The following B3GALT1 variants were observed in gnomAD, a reference collection of about 807,000 sequenced individuals.
The protein encoded by B3GALT1 is beta-1,3-galactosyltransferase 1, also known as UDP-Gal:betaGlcNAc beta 1,3-galactosyltransferase, polypeptide 1.
In B3GALT1, 10 loss-of-function variants were observed where a neutral mutation model predicts 23.2. The ratio of observed to expected loss-of-function variants is 0.43; its 90% CI spans 0.27 to 0.73. The LOEUF (loss-of-function observed/expected upper bound fraction) is 0.73. B3GALT1 is among the 30% of genes least tolerant of loss of function. The pLI is 0.21. For synonymous variants in B3GALT1, 156 were observed against 141.5 expected, an observed-to-expected ratio of 1.10 and a Z score of -0.73; for missense variants, 299 against 405.4, an observed-to-expected ratio of 0.74 and a Z score of 2.25.
chr2:167,862,645 C>T (rs767184363), intron 4 of B3GALT1: 8 of 152,268 alleles, frequency 5.3e-5, no homozygotes, highest in Non-Finnish European at 7.3e-5. Context: ...TGAAGATGGA[C>T]ATGAAGCTGG....
intron 1 of B3GALT1, among the ~76,000 whole-genome samples, chr2:167,343,558 T>C (rs1213591708): frequency 6.6e-6 from 1 of 152,146 alleles, no homozygotes; most frequent in Non-Finnish European, 1.5e-5. Context: ...ATTATGATTA[T>C]GGGGAAAGAA....
chr2:167,820,220 A>AAAAT (rs1553491132), intron 4 of B3GALT1, among the ~76,000 whole-genome samples: 2 of 152,252 alleles, frequency 1.3e-5, no homozygotes, highest in South Asian at 4.1e-4. Context: ...AACAAAACAG[A>AAAAT]AAATAAATAA....
intron 4 of B3GALT1, among the ~76,000 whole-genome samples, chr2:167,847,184 A>T (rs1270146725): frequency 1.3e-5 from 2 of 152,224 alleles, no homozygotes; most frequent in African/African-American, 4.8e-5. Flanking sequence ...CACTGACAGC[A>T]CTAGACAGGT....
chr2:167,667,484 C>G (rs545061972), intron 3 of B3GALT1, among the ~76,000 whole-genome samples: 1,976 of 152,156 alleles, frequency 0.013, 45 homozygotes, highest in African/African-American at 0.044. Flanking sequence ...TTTCCTGAAT[C>G]TGAATGTTGG....
intron 2 of B3GALT1, among the ~76,000 whole-genome samples, chr2:167,575,960 AAT>A (rs1467859480): frequency 0.01 from 1,521 of 151,946 alleles, 19 homozygotes; most frequent in African/African-American, 0.035. Context: ...CCTCTTCAAC[AAT>A]ATATTATTAT....
chr2:167,868,178 T>C (rs1309757921), intron 4 of B3GALT1, among the ~76,000 whole-genome samples: 4 of 152,180 alleles, frequency 2.6e-5, no homozygotes, highest in Non-Finnish European at 4.4e-5. Context: ...ATCCTCTGCA[T>C]GAAGTTTCAT....
chr2:167,621,824 T>C (rs1685265584), intron 2 of B3GALT1, among the ~76,000 whole-genome samples: 1 of 152,022 alleles, frequency 6.6e-6, no homozygotes, highest in South Asian at 2.1e-4. Context: ...AAGAAGGACA[T>C]GTTTGCTTCC....
chr2:167,537,447 A>G (rs1337867966), intron 2 of B3GALT1, among the ~76,000 whole-genome samples: 1 of 152,188 alleles, frequency 6.6e-6, no homozygotes, highest in Middle Eastern at 3.2e-3. Flanking sequence ...TCTAGTAAAG[A>G]CAGCATAGAA....
chr2:167,323,815 T>A (rs1414099646), intron 1 of B3GALT1, among the ~76,000 whole-genome samples: 1 of 151,042 alleles, frequency 6.6e-6, no homozygotes, highest in African/African-American at 2.4e-5. Flanking sequence ...CAGTACTTCA[T>A]GCTTGGTAGA....
At chr2:167,815,388 T>C (rs2105357718) in intron 3 of B3GALT1, among the ~76,000 whole-genome samples, 1 of 152,336 alleles carries the variant, frequency 6.6e-6, no homozygotes, top group South Asian at 2.1e-4. Context: ...GATAAGTTAA[T>C]AAATGGGCAA....
At position 167,873,797 on chromosome 2, in the gene B3GALT1, T is replaced by C. The variant is rs1690393588; in HGVS notation, c.*3777T>C. 1 of 152,248 alleles carries C rather than the reference T, an allele frequency of 6.6e-6. No homozygotes were observed. Among genetic ancestry groups the C allele is most frequent in the Admixed American group, 6.5e-5 (1 of 15,286 alleles). The allele number at this position is 152,248 out of a possible 1,614,324, so 9.4% of individuals were successfully genotyped here. A position where few individuals can be genotyped will look rare whatever the true frequency, so the allele number is the denominator to read the frequency against. ...AGTGCACTCTCCAGGTTTGTAGTAC[T>C]ATTTAGGGTTACATGGGTTGCCAAT... On this transcript the variant is annotated 3_prime_UTR_variant, in exon 5 of 5. Transcript: ENST00000392690.
At chr2:167,349,204 A>G (rs1031541599) in intron 1 of B3GALT1, among the ~76,000 whole-genome samples, 4 of 152,186 alleles carry the variant, frequency 2.6e-5, no homozygotes, top group Admixed American at 1.3e-4. Flanking sequence ...TAAGTTTTAA[A>G]TTGCACTCTG....
intron 4 of B3GALT1, among the ~76,000 whole-genome samples, chr2:167,825,239 G>A (rs1489817123): frequency 4.8e-5 from 7 of 145,906 alleles, no homozygotes; most frequent in South Asian, 2.2e-4. Flanking sequence ...AGCCGAGATC[G>A]CGCCACTGTA....
chr2:167,545,191 C>G (rs986309090), intron 2 of B3GALT1, among the ~76,000 whole-genome samples: 2 of 151,636 alleles, frequency 1.3e-5, no homozygotes, highest in African/African-American at 2.4e-5. Context: ...CCCGCCACCA[C>G]GCCCGGCTAA....
At chr2:167,617,675 G>A (rs770091309) in intron 2 of B3GALT1, among the ~76,000 whole-genome samples, 1 of 151,972 alleles carries the variant, frequency 6.6e-6, no homozygotes, top group Admixed American at 6.6e-5. Flanking sequence ...TCTAATTTGG[G>A]AGGTACAGGA....
At chr2:167,360,409 A>G (rs1442252018) in intron 1 of B3GALT1, among the ~76,000 whole-genome samples, 1 of 152,200 alleles carries the variant, frequency 6.6e-6, no homozygotes, top group African/African-American at 2.4e-5. Flanking sequence ...TTGTAGAAAC[A>G]CAACAAAGTC....
intron 2 of B3GALT1, among the ~76,000 whole-genome samples, chr2:167,534,448 A>G (rs2105369824): frequency 6.6e-6 from 1 of 152,264 alleles, no homozygotes; most frequent in East Asian, 1.9e-4. Context: ...ATGGAAGAGA[A>G]TTTGTTCACG....
chr2:167,505,200 G>C (rs1022327028), intron 2 of B3GALT1, among the ~76,000 whole-genome samples: 2 of 152,106 alleles, frequency 1.3e-5, no homozygotes, highest in African/African-American at 4.8e-5. Context: ...TAGTGGAGCT[G>C]ATTAAAATGA....
chr2:167,826,622 G>C (rs1388115939), intron 4 of B3GALT1, among the ~76,000 whole-genome samples: 1 of 152,152 alleles, frequency 6.6e-6, no homozygotes, highest in East Asian at 1.9e-4. Context: ...AGGAATGAAA[G>C]TCAAAGATGG....
Sources: allele counts gnomAD v4.1 joint callset (sites outside exome capture counted in the v4.1 genomes callset), GRCh38; gene constraint gnomAD v4.1.1; transcripts MANE v1.5; gene names NCBI Gene and HGNC (gene_info 2026-07-23, HGNC 2026-07-21).